Variants in ADAMTS20 observed in about 807,000 individuals in gnomAD.
The protein encoded by ADAMTS20 is ADAM metallopeptidase with thrombospondin type 1 motif 20.
Under a neutral mutation model 260.1 loss-of-function variants are expected in ADAMTS20, and 225 were observed. The ratio of observed to expected loss-of-function variants is 0.87; its 90% CI spans 0.78 to 0.97. The LOEUF (loss-of-function observed/expected upper bound fraction) is 0.97, where lower values mean the gene tolerates loss of function less well. Ranked by LOEUF, ADAMTS20 falls within the 50% of genes least tolerant of loss-of-function variation. The pLI is 0.00. For missense variants in ADAMTS20, 2,400 were observed against 2,337.7 expected (o/e 1.03, Z -0.55); for synonymous variants, 802 against 769.5 (o/e 1.04, Z -0.70).
At chr12:43,374,545 T>C (rs1441436708) in intron 36 of ADAMTS20, among the ~76,000 whole-genome samples, 1 of 152,212 alleles carries the variant, frequency 6.6e-6, no homozygotes, top group East Asian at 1.9e-4. Context: ...ATCTAAGGTC[T>C]ATGAGTAGGA....
chr12:43,525,350 G>T (rs1943127213), intron 3 of ADAMTS20, among the ~76,000 whole-genome samples: 1 of 152,110 alleles, frequency 6.6e-6, no homozygotes. Context: ...GTTACTACCA[G>T]ACCATCCCTA....
At chr12:43,458,117 A>G (rs1399512523) in intron 11 of ADAMTS20, among the ~76,000 whole-genome samples, 2 of 152,358 alleles carry the variant, frequency 1.3e-5, no homozygotes, top group East Asian at 3.9e-4. Flanking sequence ...CAGTCAATAC[A>G]TAAGAAGTAC....
chr12:43,504,317 G>A (rs979791586), intron 3 of ADAMTS20, among the ~76,000 whole-genome samples: 2 of 152,284 alleles, frequency 1.3e-5, no homozygotes. Flanking sequence ...GATTAGTGAT[G>A]TTGGGCATTT....
At chr12:43,521,592 G>A (rs1943072910) in intron 3 of ADAMTS20, among the ~76,000 whole-genome samples, 1 of 152,052 alleles carries the variant, frequency 6.6e-6, no homozygotes, top group Non-Finnish European at 1.5e-5. Flanking sequence ...ATCATTCAAA[G>A]CCAAAATTAC....
At chr12:43,420,948 C>T (rs1192373738) in intron 28 of ADAMTS20, among the ~76,000 whole-genome samples, 1 of 151,314 alleles carries the variant, frequency 6.6e-6, no homozygotes, top group Non-Finnish European at 1.5e-5. Context: ...GCTGGGATTA[C>T]AGGCGCATGC....
chr12:43,452,398 T>G lies in ADAMTS20; in HGVS notation c.1955A>C (p.Asp652Ala). ...AACCTGACAATAGAGTTTACAACGA[T>G]CCTTTGTGCCAACTGTAAAAAAGAA... ...LPRYSGIGTK[D>A]RCKLYCQVAG... Residue 652 changes from aspartate (D) to alanine (A), a missense_variant, in exon 14 of 39, where the codon GAT (aspartate) becomes GCT (alanine). Physicochemically the swap from Asp to Ala is moderately radical, Grantham distance 126. Transcript: ENST00000389420. The G allele has an allele frequency of 1.2e-6, 2 of 1,611,068 alleles. No homozygotes were observed. Among genetic ancestry groups the G allele is most frequent in the South Asian group, 2.2e-5 (2 of 90,332 alleles).
chr12:43,376,552 A>G lies in ADAMTS20; in HGVS notation c.5097T>C (p.Gly1699=). The G allele has an allele frequency of 1.2e-6, 2 of 1,613,314 alleles. No individual in the cohort carries two copies. The highest frequency in any genetic ancestry group is 1.7e-6 in the Non-Finnish European group (2 of 1,179,712). ...CATTGGCATAACATTTCTTTTGAGC[A>G]CCTGGTTTTAAATGGTTTAAACATA... ...SDLCLNHLKP[G]AQKKCYANDC... Residue 1699 remains glycine, a synonymous_variant, in exon 33 of 39, where the codon GGT becomes GGC. Transcript: ENST00000389420.
chr12:43,428,207 AC>A, intron 26 of ADAMTS20, 33 bp downstream of exon 26: 1 of 1,598,818 alleles, frequency 6.3e-7, no homozygotes, highest in Non-Finnish European at 8.5e-7. Context: ...TAACAAAATT[AC>A]AGAATTAATA....
intron 29 of ADAMTS20, among the ~76,000 whole-genome samples, chr12:43,394,475 A>G (rs1316072801): frequency 6.6e-6 from 1 of 152,080 alleles, no homozygotes; most frequent in Non-Finnish European, 1.5e-5. Flanking sequence ...ATCATATTTA[A>G]TATGTGATCA....
chr12:43,539,443 GAAAT>G (rs1592116495), intron 2 of ADAMTS20, among the ~76,000 whole-genome samples: 1 of 152,116 alleles, frequency 6.6e-6, no homozygotes, highest in East Asian at 1.9e-4. Context: ...ATAAAGCACT[GAAAT>G]TATAGTCTAT....
intron 4 of ADAMTS20, among the ~76,000 whole-genome samples, chr12:43,501,943 T>A (rs1189568577): frequency 1.3e-5 from 2 of 152,172 alleles, no homozygotes; most frequent in East Asian, 3.9e-4. Flanking sequence ...TGGGGATTTT[T>A]AAATGTTTTA....
At chr12:43,456,140 G>C (rs1460286321) in intron 11 of ADAMTS20, among the ~76,000 whole-genome samples, 3 of 151,850 alleles carry the variant, frequency 2.0e-5, no homozygotes, top group Non-Finnish European at 2.9e-5. Context: ...TGTCTTTTTT[G>C]CATTTCATTT....
intron 7 of ADAMTS20, among the ~76,000 whole-genome samples, chr12:43,486,404 T>C (rs767919106): frequency 5.3e-5 from 8 of 152,150 alleles, no homozygotes; most frequent in Non-Finnish European, 1.2e-4. Flanking sequence ...TATCCCTATA[T>C]TTCACCTTAT....
At chr12:43,499,516 G>A (rs1488475155) in intron 4 of ADAMTS20, among the ~76,000 whole-genome samples, 1 of 135,946 alleles carries the variant, frequency 7.4e-6, no homozygotes, top group Non-Finnish European at 1.5e-5. Context: ...TTTAGATGGA[G>A]TCTTGCTCTG....
chr12:43,535,766 T>C (rs939870808), intron 2 of ADAMTS20, among the ~76,000 whole-genome samples: 3 of 152,144 alleles, frequency 2.0e-5, no homozygotes, highest in African/African-American at 4.8e-5. Flanking sequence ...TTTAGGTGCA[T>C]TGAGATTCTA....
At chr12:43,541,395 G>GA (rs1943374880) in intron 2 of ADAMTS20, among the ~76,000 whole-genome samples, 1 of 152,090 alleles carries the variant, frequency 6.6e-6, no homozygotes, top group Non-Finnish European at 1.5e-5. Flanking sequence ...GTTAATGTGT[G>GA]TTTAAGTGAT....
intron 7 of ADAMTS20, among the ~76,000 whole-genome samples, chr12:43,481,415 T>C (rs553469756): frequency 1.3e-5 from 2 of 152,342 alleles, no homozygotes; most frequent in East Asian, 3.9e-4. Context: ...TTCTTAATGG[T>C]GCAACCTTAA....
intron 24 of ADAMTS20, 104 bp downstream of exon 24, chr12:43,429,513 C>A: frequency 1.3e-6 from 1 of 779,126 alleles, no homozygotes; most frequent in Non-Finnish European, 2.0e-6. Flanking sequence ...CATCAAAATA[C>A]CTGAGAATAA....
rs1380989691 is a variant in ADAMTS20 at position 43,439,620 on chromosome 12, A to G, written c.2593+2T>C. ...TTTCTCCCTTATTGAATGCCAGCGT[A>G]CCTTGACACATTTTGGTACAGCCTT... is the stretch of plus-strand genomic sequence containing the variant. On this transcript the variant is annotated splice_donor_variant, in intron 18 of 38. Coordinates refer to ENST00000389420, the MANE Select transcript of ADAMTS20 (RefSeq NM_025003.5). LOFTEE classifies it high-confidence loss of function. The G allele has an allele frequency of 1.2e-6, 2 of 1,602,022 alleles. No homozygotes were observed. The highest frequency in any genetic ancestry group is 1.1e-5 in the South Asian group (1 of 88,128).
Sources: allele counts gnomAD v4.1 joint callset (sites outside exome capture counted in the v4.1 genomes callset), GRCh38; gene constraint gnomAD v4.1.1; transcripts MANE v1.5; gene names NCBI Gene and HGNC (gene_info 2026-07-23, HGNC 2026-07-21).